The following FAM185A variants were observed in gnomAD, a reference collection of about 807,000 sequenced individuals.
The protein encoded by FAM185A is family with sequence similarity 185 member A.
FAM185A carries 21 observed loss-of-function variants against 45.7 expected under a neutral mutation model. The observed-to-expected ratio is 0.46, with a 90% CI of 0.33 to 0.66. FAM185A has a LOEUF of 0.66. Ranked by LOEUF, FAM185A falls within the 30% of genes least tolerant of loss-of-function variation. The probability of loss-of-function intolerance (pLI) is 0.03; values close to 1 mark genes in which losing one functional copy is unlikely to be tolerated. For missense variants in FAM185A, 305 were observed against 485.4 expected, an observed-to-expected ratio of 0.63 and a Z score of 3.49; for synonymous variants, 117 against 194.0, an observed-to-expected ratio of 0.60 and a Z score of 3.30.
the FAM185A span, among the ~76,000 whole-genome samples, chr7:102,849,298 C>T: frequency 1.4e-3 from 211 of 152,248 alleles, no homozygotes; most frequent in Admixed American, 0.011. Context: ...AAAGAACTAA[C>T]GTTGGAGAAA....
chr7:102,810,605 T>C (rs1797372871), downstream of FAM185A, among the ~76,000 whole-genome samples: 1 of 148,648 alleles, frequency 6.7e-6, no homozygotes, highest in Admixed American at 6.7e-5. Flanking sequence ...GATCTTTTTC[T>C]TTTTTTCAGA....
the FAM185A span, among the ~76,000 whole-genome samples, chr7:102,837,355 T>C: frequency 1.3e-5 from 2 of 152,168 alleles, no homozygotes; most frequent in Admixed American, 1.3e-4. Context: ...TTTTAAAACA[T>C]GGAGAGAACT....
chr7:102,813,106 CTAGGA>C (rs567260206), downstream of FAM185A: 5,137 of 397,272 alleles, frequency 0.013, 46 homozygotes, highest in Non-Finnish European at 0.019. Context: ...TACCAAAGTG[CTAGGA>C]TTACAGGTGT....
At chr7:102,824,635 G>T in the FAM185A span, among the ~76,000 whole-genome samples, 1 of 151,946 alleles carries the variant, frequency 6.6e-6, no homozygotes, top group African/African-American at 2.4e-5. Context: ...ACAGGTGCCC[G>T]CCACCACGCC....
chr7:102,839,292 G>A, the FAM185A span, among the ~76,000 whole-genome samples: 3 of 152,214 alleles, frequency 2.0e-5, no homozygotes, highest in South Asian at 2.1e-4. Context: ...CTCTCCTACC[G>A]CATTCCTCTT....
At chr7:102,827,223 C>T in the FAM185A span, 9 of 442,152 alleles carry the variant, frequency 2.0e-5, no homozygotes, top group African/African-American at 4.0e-5. Flanking sequence ...AGGATGAGAC[C>T]GCATGAAGCA....
intron 7 of FAM185A, among the ~76,000 whole-genome samples, chr7:102,789,435 A>G (rs1796016868): frequency 6.6e-6 from 1 of 152,218 alleles, no homozygotes; most frequent in Non-Finnish European, 1.5e-5. Context: ...GAGGCTGGGC[A>G]TGGTGGCTTA....
the FAM185A span, chr7:102,814,228 T>C: frequency 2.4e-4 from 37 of 152,298 alleles, no homozygotes; most frequent in African/African-American, 8.2e-4. Flanking sequence ...ACGAGATTAG[T>C]ACTAAAGAGG....
At chr7:102,835,271 C>A in the FAM185A span, among the ~76,000 whole-genome samples, 1 of 152,094 alleles carries the variant, frequency 6.6e-6, no homozygotes, top group Non-Finnish European at 1.5e-5. Context: ...TTAGAAGGGG[C>A]AGCTTGTCAG....
chr7:102,782,720 G>T (rs992874019), intron 6 of FAM185A, among the ~76,000 whole-genome samples: 59 of 152,156 alleles, frequency 3.9e-4, no homozygotes, highest in African/African-American at 1.3e-3. Context: ...AGACCATCGA[G>T]GCTAGGAAGA....
At chr7:102,775,882 C>T (rs1359315482) in intron 5 of FAM185A, among the ~76,000 whole-genome samples, 1 of 152,040 alleles carries the variant, frequency 6.6e-6, no homozygotes, top group African/African-American at 2.4e-5. Context: ...TATTCTGTGT[C>T]ATTTATCTCT....
At chr7:102,836,025 A>G in the FAM185A span, among the ~76,000 whole-genome samples, 1 of 152,208 alleles carries the variant, frequency 6.6e-6, no homozygotes, top group African/African-American at 2.4e-5. Context: ...AGAATAATTT[A>G]TTGAAGGATG....
chr7:102,819,034 T>C, the FAM185A span, among the ~76,000 whole-genome samples: 1 of 152,174 alleles, frequency 6.6e-6, no homozygotes, highest in African/African-American at 2.4e-5. Context: ...CTCCCACTTA[T>C]AAGTGAGAAC....
intron 7 of FAM185A, among the ~76,000 whole-genome samples, chr7:102,789,446 C>T (rs561171081): frequency 2.6e-5 from 4 of 152,328 alleles, no homozygotes; most frequent in South Asian, 4.1e-4. Context: ...TGGTGGCTTA[C>T]GCCTGTAATC....
At chr7:102,844,357 A>G in the FAM185A span, among the ~76,000 whole-genome samples, 1 of 152,184 alleles carries the variant, frequency 6.6e-6, no homozygotes, top group Non-Finnish European at 1.5e-5. Context: ...ACTGCACAGG[A>G]CCCATACATT....
In FAM185A at chr7:102,751,692, G is replaced by A. The variant is rs1248931505; in HGVS notation, c.452G>A (p.Gly151Asp). ...TGCTTTTTTCTTTTTTTACTTCTAG[G>A]TTTAGATATCAAGTCATCAGGGTCT... ...SVEVNAPLKF[G>D]LDIKSSGSGC... The change falls in exon 2 of 8, where the codon GGT becomes GAT. Residue 151 changes from glycine to aspartate, a missense_variant and splice_region_variant. Gly to Asp is a moderately conservative substitution (Grantham distance 94). Coordinates refer to ENST00000413034, the MANE Select transcript of FAM185A (RefSeq NM_001145268.2). 10 of 1,538,726 alleles carry A rather than the reference G, an allele frequency of 6.5e-6. No homozygotes were observed. Among genetic ancestry groups the A allele is most frequent in the Non-Finnish European group, 7.0e-6 (8 of 1,143,616 alleles).
At chr7:102,825,425 G>A in the FAM185A span, among the ~76,000 whole-genome samples, 2 of 152,202 alleles carry the variant, frequency 1.3e-5, no homozygotes, top group Non-Finnish European at 2.9e-5. Flanking sequence ...GAATTCTGCA[G>A]AGAGTCCTTG....
At chr7:102,830,037 AAAT>A in the FAM185A span, among the ~76,000 whole-genome samples, 1 of 152,106 alleles carries the variant, frequency 6.6e-6, no homozygotes, top group Non-Finnish European at 1.5e-5. Flanking sequence ...CAGCGTTCTA[AAAT>A]AATTGACTCT....
intron 5 of FAM185A, among the ~76,000 whole-genome samples, 163 bp downstream of exon 5, chr7:102,772,613 A>G (rs1794822278): frequency 6.6e-6 from 1 of 152,006 alleles, no homozygotes; most frequent in Non-Finnish European, 1.5e-5. Context: ...TGTCCACTCG[A>G]AGAAAATCGC....
Sources: allele counts gnomAD v4.1 joint callset (sites outside exome capture counted in the v4.1 genomes callset), GRCh38; gene constraint gnomAD v4.1.1; transcripts MANE v1.5; gene names NCBI Gene and HGNC (gene_info 2026-07-23, HGNC 2026-07-21).